Variants in BCR observed in about 807,000 individuals in gnomAD.
The protein encoded by BCR is breakpoint cluster region protein.
In BCR, 58 loss-of-function variants were observed where a neutral mutation model predicts 138.6. That is an observed-to-expected ratio of 0.42 (90% CI 0.34 to 0.52). The LOEUF (loss-of-function observed/expected upper bound fraction) is 0.52. Ranked by LOEUF, BCR falls within the 20% of genes least tolerant of loss-of-function variation. The probability of loss-of-function intolerance (pLI) is 0.06; values close to 1 mark genes in which losing one functional copy is unlikely to be tolerated. For missense variants in BCR, 1,599 were observed against 1,727.2 expected, an observed-to-expected ratio of 0.93 and a Z score of 1.32; for synonymous variants, 786 against 730.1, an observed-to-expected ratio of 1.08 and a Z score of -1.23.
intron 4 of BCR, chr22:23,263,697 C>G: frequency 7.2e-7 from 1 of 1,395,600 alleles, no homozygotes; most frequent in Non-Finnish European, 1.0e-6. Flanking sequence ...ACAGCACCTT[C>G]GCTGCCAAGT....
intron 2 of BCR, among the ~76,000 whole-genome samples, chr22:23,260,620 T>A (rs2073345831): frequency 6.6e-6 from 1 of 152,206 alleles, no homozygotes; most frequent in African/African-American, 2.4e-5. Context: ...CCTGACTGTG[T>A]CAGGCAGCTG....
At chr22:23,275,810 T>C (rs1285240014) in intron 8 of BCR, among the ~76,000 whole-genome samples, 1 of 152,226 alleles carries the variant, frequency 6.6e-6, no homozygotes, top group East Asian at 1.9e-4. Flanking sequence ...TATTCTTTTA[T>C]GAGCGCTCTG....
chr22:23,221,539 A>T (rs1029849521), intron 1 of BCR, among the ~76,000 whole-genome samples: 1 of 152,152 alleles, frequency 6.6e-6, no homozygotes, highest in Non-Finnish European at 1.5e-5. Context: ...GCTTCTGGGG[A>T]GCCCCATTCC....
At chr22:23,267,314 G>T (rs2073453891) in intron 4 of BCR, among the ~76,000 whole-genome samples, 2 of 152,088 alleles carry the variant, frequency 1.3e-5, no homozygotes. Flanking sequence ...GACTCCTCCA[G>T]GTGGTCAGCA....
intron 16 of BCR, among the ~76,000 whole-genome samples, chr22:23,296,368 C>T (rs748783426): frequency 2.4e-5 from 3 of 122,534 alleles, no homozygotes; most frequent in South Asian, 2.6e-4. Flanking sequence ...AGCGAGAGTC[C>T]GTCTCAAAAA....
intron 1 of BCR, among the ~76,000 whole-genome samples, chr22:23,209,547 T>A (rs2146217848): frequency 6.6e-6 from 1 of 152,080 alleles, no homozygotes; most frequent in Admixed American, 6.5e-5. Context: ...TTATTCATTT[T>A]TATTTTATTT....
chr22:23,198,845 C>A (rs1207513671), intron 1 of BCR, among the ~76,000 whole-genome samples: 3 of 152,104 alleles, frequency 2.0e-5, no homozygotes, highest in African/African-American at 7.2e-5. Flanking sequence ...CAGGACTGGG[C>A]ACAGTAGGTC....
chr22:23,183,124 G>T (rs1463918135), intron 1 of BCR, among the ~76,000 whole-genome samples: 1 of 152,202 alleles, frequency 6.6e-6, no homozygotes, highest in Non-Finnish European at 1.5e-5. Flanking sequence ...AAAACTATGG[G>T]ATTGTACGCC....
intron 1 of BCR, chr22:23,199,352 T>C: frequency 3.9e-6 from 2 of 515,880 alleles, no homozygotes; most frequent in Non-Finnish European, 7.7e-6. Flanking sequence ...CCCCGGCCCT[T>C]GTGAGCCCCG....
chr22:23,291,499 C>T (rs779833414), intron 14 of BCR, among the ~76,000 whole-genome samples: 31 of 152,158 alleles, frequency 2.0e-4, no homozygotes, highest in Non-Finnish European at 3.2e-4. Flanking sequence ...GCCTCATAAA[C>T]GCTGGTGTTT....
intron 1 of BCR, among the ~76,000 whole-genome samples, chr22:23,222,779 A>G (rs5996498): frequency 0.034 from 5,106 of 152,294 alleles, 277 homozygotes; most frequent in African/African-American, 0.11. Flanking sequence ...TTACCTGGGC[A>G]GAATTCCTGT....
chr22:23,191,555 A>G (rs771956405), intron 1 of BCR, among the ~76,000 whole-genome samples: 1 of 152,136 alleles, frequency 6.6e-6, no homozygotes, highest in Admixed American at 6.6e-5. Flanking sequence ...TCCTTTGTCT[A>G]TCTGGCTTCC....
intron 1 of BCR, among the ~76,000 whole-genome samples, chr22:23,224,806 C>G (rs954106790): frequency 3.9e-5 from 6 of 152,118 alleles, no homozygotes; most frequent in African/African-American, 1.4e-4. Flanking sequence ...CGCTTGAACC[C>G]AGAAGGTAGA....
chr22:23,201,134 A>G (rs2072548889), intron 1 of BCR, among the ~76,000 whole-genome samples: 1 of 152,234 alleles, frequency 6.6e-6, no homozygotes, highest in African/African-American at 2.4e-5. Context: ...CATGTAGTTA[A>G]AAAGTCACAC....
At chr22:23,285,468 G>C (rs1037857027) in intron 10 of BCR, among the ~76,000 whole-genome samples, 2 of 152,210 alleles carry the variant, frequency 1.3e-5, no homozygotes, top group South Asian at 2.1e-4. Flanking sequence ...ACTGGTCGTG[G>C]TCTCTACAGT....
At chr22:23,193,414 T>G (rs78674618) in intron 1 of BCR, among the ~76,000 whole-genome samples, 4,621 of 152,352 alleles carry the variant, frequency 0.03, 249 homozygotes, top group African/African-American at 0.11. Context: ...CCATCTGGCC[T>G]CCTGTCTGGT....
intron 1 of BCR, among the ~76,000 whole-genome samples, chr22:23,229,645 G>T (rs2072931619): frequency 6.6e-6 from 1 of 152,238 alleles, no homozygotes. Context: ...CTGATTCTAA[G>T]TGTTTTCACA....
At chr22:23,186,446 G>C (rs2072343304) in intron 1 of BCR, among the ~76,000 whole-genome samples, 1 of 152,138 alleles carries the variant, frequency 6.6e-6, no homozygotes, top group Non-Finnish European at 1.5e-5. Flanking sequence ...ACAGTTCTGT[G>C]GTGTTGACTA....
chr22:23,311,632 A>G, intron 18 of BCR, 65 bp from the exon 19 acceptor site: 5 of 1,407,624 alleles, frequency 3.6e-6, no homozygotes, highest in Non-Finnish European at 4.0e-6. Flanking sequence ...GATATGGAGC[A>G]GGTCTCCTGT....
Sources: gnomAD v4.1 joint callset for allele counts (sites outside exome capture counted in the v4.1 genomes callset) on GRCh38, gnomAD v4.1.1 for gene constraint, MANE v1.5 for transcripts, NCBI Gene and HGNC (gene_info 2026-07-23, HGNC 2026-07-21) for gene names.